The following ZFPM2 variants were observed in gnomAD, a reference collection of about 807,000 sequenced individuals.
The protein encoded by ZFPM2 is zinc finger protein ZFPM2.
Under a neutral mutation model 98.6 loss-of-function variants are expected in ZFPM2, and 20 were observed. The ratio of observed to expected loss-of-function variants is 0.20; its 90% CI spans 0.14 to 0.29. The LOEUF (loss-of-function observed/expected upper bound fraction) is 0.29, where lower values mean the gene tolerates loss of function less well. Among genes scored for constraint, ZFPM2 ranks in the 10% least tolerant of loss-of-function variants. The pLI, the probability that ZFPM2 is intolerant of heterozygous loss-of-function variation, is 1.00. For synonymous variants in ZFPM2, 518 were observed against 502.7 expected (o/e 1.03, Z -0.41); for missense variants, 1,310 against 1,388.6 (o/e 0.94, Z 0.90).
At chr8:105,499,025 T>C (rs1813533464) in intron 3 of ZFPM2, among the ~76,000 whole-genome samples, 1 of 152,182 alleles carries the variant, frequency 6.6e-6, no homozygotes, top group African/African-American at 2.4e-5. Flanking sequence ...TCTCCCCATT[T>C]CTGAGCACAT....
chr8:105,700,866 C>T (rs972024009), intron 5 of ZFPM2, among the ~76,000 whole-genome samples: 19 of 152,228 alleles, frequency 1.2e-4, no homozygotes, highest in African/African-American at 2.2e-4. Context: ...GCTGGGATTA[C>T]AGGCGTGAGC....
intron 4 of ZFPM2, among the ~76,000 whole-genome samples, chr8:105,575,678 GA>G (rs1262712331): frequency 6.6e-6 from 1 of 151,840 alleles, no homozygotes; most frequent in Non-Finnish European, 1.5e-5. Flanking sequence ...GACAGAAAAA[GA>G]AAAAAAATAT....
chr8:105,781,217 G>T (rs1169866236), intron 5 of ZFPM2, among the ~76,000 whole-genome samples: 2 of 152,148 alleles, frequency 1.3e-5, no homozygotes, highest in Non-Finnish European at 1.5e-5. Flanking sequence ...AGTCAAGATC[G>T]CCAGTCAGTG....
rs140326426 is a variant in ZFPM2 at position 105,642,076 on chromosome 8, G to C, written c.532+7719G>C. On this transcript the variant is annotated intron_variant, in intron 5 of 7. Transcript: ENST00000407775. ...CAAGGATGTTAGCTTGTCATTCAAAGAGATGCTAATCTTGAAAGCTACCCC... is the reference window on the plus strand; with the variant it reads ...CAAGGATGTTAGCTTGTCATTCAAACAGATGCTAATCTTGAAAGCTACCCC... 2.2e-4 allele frequency among the ~76,000 whole-genome samples: 34 copies of C among 152,242 alleles called. 1 individual carries two copies. Among genetic ancestry groups the C allele is most frequent in the African/African-American group, 7.7e-4 (32 of 41,544 alleles).
chr8:105,489,924 T>G (rs1331869783), intron 3 of ZFPM2, among the ~76,000 whole-genome samples: 1 of 152,168 alleles, frequency 6.6e-6, no homozygotes, highest in Non-Finnish European at 1.5e-5. Flanking sequence ...ATATGATTTC[T>G]GTGTAGCTTT....
intron 5 of ZFPM2, among the ~76,000 whole-genome samples, chr8:105,754,946 A>ATGTGTGTGTGTGTGTG (rs34267329): frequency 6.8e-6 from 1 of 146,550 alleles, no homozygotes; most frequent in Non-Finnish European, 1.5e-5. Flanking sequence ...GAAATTTAAT[A>ATGTGTGTGTGTGTGTG]TGTGTGTGTG....
intron 5 of ZFPM2, among the ~76,000 whole-genome samples, chr8:105,713,381 C>T (rs944990614): frequency 6.6e-6 from 1 of 151,718 alleles, no homozygotes; most frequent in Non-Finnish European, 1.5e-5. Flanking sequence ...TATTTGTTTT[C>T]TTCTTGTTGA....
chr8:105,396,738 G>A (rs981264440), intron 1 of ZFPM2, among the ~76,000 whole-genome samples: 1 of 152,120 alleles, frequency 6.6e-6, no homozygotes, highest in African/African-American at 2.4e-5. Context: ...ACTTGCATTA[G>A]AATGGCCTTT....
At chr8:105,659,021 A>G (rs1453280072) in intron 5 of ZFPM2, among the ~76,000 whole-genome samples, 6 of 152,226 alleles carry the variant, frequency 3.9e-5, no homozygotes, top group Admixed American at 6.5e-5. Flanking sequence ...AATAAAATGT[A>G]TCAGGAGGAG....
At chr8:105,630,500 C>G (rs2130833026) in intron 4 of ZFPM2, among the ~76,000 whole-genome samples, 1 of 152,256 alleles carries the variant, frequency 6.6e-6, no homozygotes, top group East Asian at 1.9e-4. Context: ...TAGCTTTCAG[C>G]AAGTCTTTGC....
At chr8:105,488,510 C>G (rs1232749140) in intron 3 of ZFPM2, among the ~76,000 whole-genome samples, 1 of 152,048 alleles carries the variant, frequency 6.6e-6, no homozygotes, top group Non-Finnish European at 1.5e-5. Context: ...ACCTGTAATC[C>G]CAGCACTTTG....
chr8:105,432,329 T>C (rs1256128827), intron 2 of ZFPM2, among the ~76,000 whole-genome samples: 1 of 152,164 alleles, frequency 6.6e-6, no homozygotes, highest in Non-Finnish European at 1.5e-5. Flanking sequence ...CTGAGAGTCA[T>C]TCATCATTAG....
chr8:105,411,673 G>T (rs1383492948), intron 1 of ZFPM2, among the ~76,000 whole-genome samples: 1 of 151,604 alleles, frequency 6.6e-6, no homozygotes, highest in Non-Finnish European at 1.5e-5. Flanking sequence ...TCTTGATAGG[G>T]TTACCATCTT....
intron 1 of ZFPM2, among the ~76,000 whole-genome samples, chr8:105,377,768 A>G (rs571657880): frequency 6.6e-5 from 10 of 152,278 alleles, no homozygotes; most frequent in African/African-American, 1.9e-4. Flanking sequence ...TGACAGATCA[A>G]TACTCTGTCT....
chr8:105,603,071 A>G (rs1284469933), intron 4 of ZFPM2, among the ~76,000 whole-genome samples: 2 of 152,122 alleles, frequency 1.3e-5, no homozygotes, highest in African/African-American at 4.8e-5. Flanking sequence ...TGATTTTTGC[A>G]TAGTGGAATA....
intron 5 of ZFPM2, among the ~76,000 whole-genome samples, chr8:105,694,474 T>A (rs1249498153): frequency 6.6e-6 from 1 of 152,160 alleles, no homozygotes; most frequent in East Asian, 1.9e-4. Flanking sequence ...TCGAGCAAGT[T>A]ACTTTACTTC....
chr8:105,742,430 A>C (rs1177644959), intron 5 of ZFPM2, among the ~76,000 whole-genome samples: 5 of 151,302 alleles, frequency 3.3e-5, no homozygotes, highest in Non-Finnish European at 7.4e-5. Flanking sequence ...AGAAAGAGTG[A>C]ATTAGAACAA....
intron 5 of ZFPM2, among the ~76,000 whole-genome samples, chr8:105,733,816 T>G (rs998432378): frequency 1.3e-5 from 2 of 151,812 alleles, no homozygotes; most frequent in Non-Finnish European, 2.9e-5. Flanking sequence ...CTATTACCAC[T>G]CTAATAATAT....
intron 5 of ZFPM2, among the ~76,000 whole-genome samples, chr8:105,673,470 T>A (rs186199509): frequency 1.3e-5 from 2 of 152,232 alleles, no homozygotes; most frequent in Non-Finnish European, 2.9e-5. Flanking sequence ...AATATACATG[T>A]CTATGAGAAC....
Sources: allele counts gnomAD v4.1 joint callset (sites outside exome capture counted in the v4.1 genomes callset), GRCh38; gene constraint gnomAD v4.1.1; transcripts MANE v1.5; gene names NCBI Gene and HGNC (gene_info 2026-07-23, HGNC 2026-07-21).